SCAF8: variants seen among roughly 807,000 people sequenced by gnomAD.
SCAF8 encodes SR-related and CTD-associated factor 8.
SCAF8 carries 23 observed loss-of-function variants against 140.5 expected under a neutral mutation model. The observed-to-expected ratio is 0.16, with a 90% CI of 0.12 to 0.23. SCAF8 has a LOEUF of 0.23. Among genes scored for constraint, SCAF8 ranks in the 10% least tolerant of loss-of-function variants. SCAF8 has a pLI of 1.00. For missense variants in SCAF8, 1,397 were observed against 1,555.7 expected (o/e 0.90, Z 1.72); for synonymous variants, 575 against 528.9 (o/e 1.09, Z -1.20).
chr6:154,780,835 G>A (rs879555888), intron 3 of SCAF8, among the ~76,000 whole-genome samples: 12 of 152,052 alleles, frequency 7.9e-5, no homozygotes, highest in Non-Finnish European at 1.2e-4. Flanking sequence ...GTAAACATAC[G>A]TGTGCATGCG....
At chr6:154,808,459 ATTT>A (rs60459651) in intron 10 of SCAF8, among the ~76,000 whole-genome samples, 10 of 147,400 alleles carry the variant, frequency 6.8e-5, no homozygotes, top group South Asian at 2.1e-4. Flanking sequence ...TGTTTTTGCG[ATTT>A]TTTTTTTTTT....
At chr6:154,804,940 G>A (rs1777870486) in intron 8 of SCAF8, among the ~76,000 whole-genome samples, 1 of 151,974 alleles carries the variant, frequency 6.6e-6, no homozygotes. Context: ...AAATTTTATG[G>A]TCAATTACAA....
chr6:154,733,409 G>A (rs531099263), upstream of SCAF8: 222 of 1,398,356 alleles, frequency 1.6e-4, no homozygotes, highest in African/African-American at 2.8e-3. Context: ...CCCGACTCGA[G>A]TCCGCCATAT....
rs1266850606 is a variant in SCAF8, at chr6:154,778,140, A to G, written c.159+95A>G. Reference sequence around the variant, plus strand: ...AAATACCCAAGTTTAAATTGTTTTGATGGACTGTTAAAAAGTGATTCCAGT... The same window carrying G: ...AAATACCCAAGTTTAAATTGTTTTGGTGGACTGTTAAAAAGTGATTCCAGT... On this transcript the variant is annotated intron_variant, in intron 3 of 19. Coordinates refer to ENST00000367178, the MANE Select transcript of SCAF8 (RefSeq NM_014892.5). 3.6e-5 allele frequency: 24 copies of G among 671,074 alleles called. No individual in the cohort carries two copies. In the East Asian group the frequency reaches 6.7e-4, roughly 19 times the overall value. The allele number at this position is 671,074 out of a possible 1,614,324, so 41.6% of individuals were successfully genotyped here. A position where few individuals can be genotyped will look rare whatever the true frequency, so the allele number is the denominator to read the frequency against.
Position 154,736,225 on chromosome 6 carries a change from C to T in SCAF8, c.30+2295C>T, listed in dbSNP as rs373437532. ...TTGGGTGTCTGTCTTTGGGGGGGTT[C>T]CTAATAATGTGGTCCTCCCCCTCAA... On this transcript the variant is annotated intron_variant, in intron 1 of 19. Transcript: ENST00000367178. 2.0e-5 allele frequency among the ~76,000 whole-genome samples: 3 copies of T among 149,780 alleles called. No homozygotes were observed. The Middle Eastern group carries it at 0.01, about 524-fold the overall frequency.
intron 14 of SCAF8, among the ~76,000 whole-genome samples, chr6:154,819,212 A>G (rs959917180): frequency 2.0e-5 from 3 of 152,214 alleles, no homozygotes; most frequent in African/African-American, 7.2e-5. Flanking sequence ...AAGTTAATAT[A>G]TGCTCATCTT....
intron 2 of SCAF8, among the ~76,000 whole-genome samples, chr6:154,776,463 G>C (rs893868236): frequency 6.6e-6 from 1 of 152,122 alleles, no homozygotes; most frequent in Non-Finnish European, 1.5e-5. Context: ...TATTGTGGAA[G>C]AAGGCCTATG....
chr6:154,753,532 G>C (rs1026816647), intron 1 of SCAF8, among the ~76,000 whole-genome samples: 1 of 151,936 alleles, frequency 6.6e-6, no homozygotes, highest in South Asian at 2.1e-4. Flanking sequence ...CCAGCTACTC[G>C]GGAGGCTGAG....
intron 18 of SCAF8, among the ~76,000 whole-genome samples, chr6:154,830,199 T>G (rs1040406214): frequency 2.6e-5 from 4 of 152,236 alleles, no homozygotes; most frequent in Non-Finnish European, 5.9e-5. Flanking sequence ...GGTGTTTTTA[T>G]TTTTGTAGCT....
intron 2 of SCAF8, among the ~76,000 whole-genome samples, chr6:154,775,370 G>A (rs1239451610): frequency 5.3e-5 from 8 of 152,152 alleles, no homozygotes; most frequent in African/African-American, 1.7e-4. Context: ...TCTGCATTAT[G>A]TGATTTTTAT....
intron 1 of SCAF8, among the ~76,000 whole-genome samples, chr6:154,743,849 C>A (rs1778631270): frequency 6.6e-6 from 1 of 151,726 alleles, no homozygotes; most frequent in Non-Finnish European, 1.5e-5. Context: ...TCTTTTTTGC[C>A]CTTCAAGTGA....
intron 3 of SCAF8, among the ~76,000 whole-genome samples, chr6:154,782,337 G>C (rs1448972935): frequency 6.6e-6 from 1 of 152,178 alleles, no homozygotes; most frequent in East Asian, 1.9e-4. Flanking sequence ...TGAGGCTTGA[G>C]TTCAGGAGGA....
chr6:154,821,106 A>G (rs1007237980), intron 15 of SCAF8, among the ~76,000 whole-genome samples: 14 of 152,156 alleles, frequency 9.2e-5, no homozygotes, highest in African/African-American at 3.4e-4. Flanking sequence ...CACTTAATAC[A>G]TATTTTAGTT....
At chr6:154,813,807 T>G (rs916861134) in intron 12 of SCAF8, among the ~76,000 whole-genome samples, 2 of 151,998 alleles carry the variant, frequency 1.3e-5, no homozygotes, top group Non-Finnish European at 2.9e-5. Context: ...GGTGATGTGA[T>G]AATGAAAGGA....
At chr6:154,734,031 AG>A in intron 1 of SCAF8, 101 bp downstream of exon 1, 1 of 1,410,898 alleles carries the variant, frequency 7.1e-7, no homozygotes, top group Non-Finnish European at 9.3e-7. Flanking sequence ...GGGTTTTTTA[AG>A]GGTGGGGTGA....
intron 1 of SCAF8, among the ~76,000 whole-genome samples, 159 bp downstream of exon 1, chr6:154,734,089 G>T (rs1350279953): frequency 6.6e-6 from 1 of 152,210 alleles, no homozygotes; most frequent in East Asian, 1.9e-4. Flanking sequence ...TCTCCTCTGG[G>T]TGCCCCTCCC....
chr6:154,738,360 C>A (rs1232299828), intron 1 of SCAF8, among the ~76,000 whole-genome samples: 1 of 152,190 alleles, frequency 6.6e-6, no homozygotes, highest in Non-Finnish European at 1.5e-5. Context: ...GTTGACCTTT[C>A]ACTTCTGTGT....
chr6:154,800,867 A>G (rs555813189), intron 6 of SCAF8, among the ~76,000 whole-genome samples: 3 of 151,578 alleles, frequency 2.0e-5, no homozygotes, highest in Non-Finnish European at 4.4e-5. Flanking sequence ...TATTTTGGAA[A>G]CAATTCATAA....
intron 6 of SCAF8, among the ~76,000 whole-genome samples, chr6:154,796,395 C>CTGTT (rs1777610795): frequency 2.1e-5 from 3 of 145,646 alleles, no homozygotes; most frequent in African/African-American, 7.6e-5. Flanking sequence ...CTCTCTCTGT[C>CTGTT]TCTCTCTTTT....
Sources: gnomAD v4.1 joint callset for allele counts (sites outside exome capture counted in the v4.1 genomes callset) on GRCh38, gnomAD v4.1.1 for gene constraint, MANE v1.5 for transcripts, NCBI Gene and HGNC (gene_info 2026-07-23, HGNC 2026-07-21) for gene names.